Variants in SLC35A4 observed in about 807,000 individuals in gnomAD.
The protein encoded by SLC35A4 is solute carrier family 35 member A4.
In SLC35A4, 9 loss-of-function variants were observed where a neutral mutation model predicts 18.8. That is an observed-to-expected ratio of 0.48 (90% CI 0.29 to 0.83). The LOEUF (loss-of-function observed/expected upper bound fraction) is 0.83, where lower values mean the gene tolerates loss of function less well. SLC35A4 is among the 40% of genes least tolerant of loss of function. SLC35A4 has a pLI of 0.09. For synonymous variants in SLC35A4, 189 were observed against 191.9 expected (o/e 0.98, Z 0.13); for missense variants, 404 against 415.5 (o/e 0.97, Z 0.24).
In SLC35A4 at chr5:140,568,174, C is replaced by T. The variant is rs750964666; in HGVS notation, c.*30C>T. 21 of 1,613,344 alleles carry T rather than the reference C, an allele frequency of 1.3e-5. No homozygotes were observed. The highest frequency in any genetic ancestry group is 1.8e-5 in the Non-Finnish European group (21 of 1,179,968). On this transcript the variant is annotated 3_prime_UTR_variant, in exon 3 of 3. Coordinates refer to ENST00000323146, the MANE Select transcript of SLC35A4 (RefSeq NM_080670.4). ...TGACAACTTCCACCCTGATTCCGGA[C>T]CCTGTAGATTGGGCGCCACCACCAG...
Position 140,567,331 on chromosome 5 carries a change from G to A in SLC35A4, c.162G>A (p.Val54=). The A allele has an allele frequency of 6.2e-7, 1 of 1,614,176 alleles. No homozygotes were observed. The highest frequency in any genetic ancestry group is 8.5e-7 in the Non-Finnish European group (1 of 1,180,014). The change falls in exon 3 of 3, where the codon GTG becomes GTA. Residue 54 remains valine, a synonymous_variant. Transcript: ENST00000323146. ...GRVPFRPSSA[V]LLTELTKLLL... Reference sequence around the variant, plus strand: ...TGCCCTTCCGGCCCTCCTCAGCCGTGCTGCTGACTGAGCTGACCAAGCTAC... The same window carrying A: ...TGCCCTTCCGGCCCTCCTCAGCCGTACTGCTGACTGAGCTGACCAAGCTAC...
In SLC35A4 at chr5:140,567,733, C is replaced by A. The variant is rs767288056; in HGVS notation, c.564C>A (p.Gly188=). Residue 188 remains glycine (G), a synonymous_variant, in exon 3 of 3, where the codon GGC becomes GGA. Transcript: ENST00000323146. ...TGCCCCTGCATATCACTCCGCTAGG[C>A]CTGCTGCTCCTCATTCTGTACTGCC... The part of the protein sequence containing the change: ...SPMPLHITPL[G]LLLLILYCLI... 8 of 1,614,162 alleles carry A rather than the reference C, an allele frequency of 5.0e-6. No individual in the cohort carries two copies. The East Asian group carries it at 1.8e-4, about 36-fold the overall frequency.
Position 140,568,247 on chromosome 5 carries a change from A to G in SLC35A4, c.*103A>G. Reference sequence around the variant, plus strand: ...CCTCTCCCATCAGCAGCCCTGTAACAAGTGCCTTGTGAGAAAAGCTGGAGA... The same window carrying G: ...CCTCTCCCATCAGCAGCCCTGTAACGAGTGCCTTGTGAGAAAAGCTGGAGA... On this transcript the variant is annotated 3_prime_UTR_variant, in exon 3 of 3. Transcript: ENST00000323146. The G allele has an allele frequency of 6.4e-7, 1 of 1,568,084 alleles. No homozygotes were observed. The highest frequency in any genetic ancestry group is 8.7e-7 in the Non-Finnish European group (1 of 1,150,392).
rs902556228 is a variant in SLC35A4, at chr5:140,564,888, G to C, written c.-705+30G>C. 2 of 405,466 alleles carry C rather than the reference G, an allele frequency of 4.9e-6. No homozygotes were observed. Among genetic ancestry groups the C allele is most frequent in the East Asian group, 3.5e-5 (1 of 28,174 alleles). 25.1% of individuals were successfully genotyped at this position (405,466 alleles called of 1,614,324 possible). A position where few individuals can be genotyped will look rare whatever the true frequency, so the allele number is the denominator to read the frequency against. ...GTGGCCGTGGGGGTGATCTGCAGCC[G>C]GGCGTGGTCTTCACTCTCCTTGACC... On this transcript the variant is annotated intron_variant, in intron 1 of 2. Transcript: ENST00000323146. This position sits in a 1 kb window ranked among gnomAD's most constrained non-coding sequence, Gnocchi z 5.0.
Position 140,567,696 on chromosome 5 carries a change from C to T in SLC35A4, c.527C>T (p.Ala176Val). 1 of 1,614,090 alleles carries T rather than the reference C, an allele frequency of 6.2e-7. No individual in the cohort carries two copies. Among genetic ancestry groups the T allele is most frequent in the Non-Finnish European group, 8.5e-7 (1 of 1,180,030 alleles). ...CTTCCCAGTCCCCCTCCAGCAGCTG[C>T]TGCCAGCCCCATGCCCCTGCATATC... ...NTLPSPPPAA[A>V]ASPMPLHITP... The change falls in exon 3 of 3, where the codon GCT becomes GTT. Residue 176 changes from alanine to valine, a missense_variant. Transcript: ENST00000323146.
chr5:140,567,526 T>TA lies in SLC35A4; in HGVS notation c.359dup (p.Asn120LysfsTer240), dbSNP rs773691021. 1.2e-6 allele frequency: 2 copies of TA among 1,614,068 alleles called. No individual in the cohort carries two copies. Among genetic ancestry groups the TA allele is most frequent in the African/African-American group, 2.7e-5 (2 of 74,946 alleles). On this transcript the variant is annotated frameshift_variant, in exon 3 of 3. Transcript: ENST00000323146. LOFTEE classifies it high-confidence loss of function. ...ACCCCAGCACCTACCAGGTGCTGAG[T>TA]AATCTCAAGATTGGAAGCACAGCTG...
rs951300234 is a variant in SLC35A4 at position 140,567,341 on chromosome 5, G to C, written c.172G>C (p.Glu58Gln). 1 of 1,614,184 alleles carries C rather than the reference G, an allele frequency of 6.2e-7. No homozygotes were observed. Among genetic ancestry groups the C allele is most frequent in the Non-Finnish European group, 8.5e-7 (1 of 1,180,020 alleles). ...GCCCTCCTCAGCCGTGCTGCTGACT[G>C]AGCTGACCAAGCTACTGTTATGCGC... Reference protein sequence around the residue: ...FRPSSAVLLTELTKLLLCAFS... With the variant: ...FRPSSAVLLTQLTKLLLCAFS... Residue 58 changes from glutamate (E) to glutamine (Q), a missense_variant, in exon 3 of 3, where the codon GAG (glutamate) becomes CAG (glutamine). Coordinates refer to ENST00000323146, the MANE Select transcript of SLC35A4 (RefSeq NM_080670.4).
chr5:140,566,125 C>G (rs941244443), intron 2 of SLC35A4, among the ~76,000 whole-genome samples, 154 bp downstream of exon 2: 2 of 152,130 alleles, frequency 1.3e-5, no homozygotes, highest in Non-Finnish European at 2.9e-5. Flanking sequence ...GGCACATGAA[C>G]TAATATCTTA....
At position 140,567,655 on chromosome 5, in the gene SLC35A4, A is replaced by C; in HGVS notation, c.486A>C (p.Gln162His). The change falls in exon 3 of 3, where the codon CAA becomes CAC. Residue 162 changes from glutamine to histidine, a missense_variant. By Grantham distance (24) the Gln-to-His change is conservative. Coordinates refer to ENST00000323146, the MANE Select transcript of SLC35A4 (RefSeq NM_080670.4). ...CCTGCTATGCAGCAGGGGGCCTTCA[A>C]GTTCCCGGGAACACCCTTCCCAGTC... is the stretch of plus-strand genomic sequence containing the variant. ...AGACYAAGGL[Q>H]VPGNTLPSPP... is the part of the protein sequence containing the mutation. 6.2e-7 allele frequency: 1 copy of C among 1,614,070 alleles called. No individual in the cohort carries two copies. Among genetic ancestry groups the C allele is most frequent in the Non-Finnish European group, 8.5e-7 (1 of 1,180,024 alleles).
Position 140,568,255 on chromosome 5 carries a change from T to C in SLC35A4, c.*111T>C. ...ATCAGCAGCCCTGTAACAAGTGCCT[T>C]GTGAGAAAAGCTGGAGAAGTGAGGG... On this transcript the variant is annotated 3_prime_UTR_variant, in exon 3 of 3. Transcript: ENST00000323146. 2 of 1,552,392 alleles carry C rather than the reference T, an allele frequency of 1.3e-6. No individual in the cohort carries two copies. Among genetic ancestry groups the C allele is most frequent in the Admixed American group, 1.8e-5 (1 of 55,034 alleles).
Position 140,564,906 on chromosome 5 carries a change from C to T in SLC35A4, c.-705+48C>T, listed in dbSNP as rs1387965406. On this transcript the variant is annotated intron_variant, in intron 1 of 2. Coordinates refer to ENST00000323146, the MANE Select transcript of SLC35A4 (RefSeq NM_080670.4). This position sits in a 1 kb window ranked among gnomAD's most constrained non-coding sequence, Gnocchi z 5.0. ...TGCAGCCGGGCGTGGTCTTCACTCT[C>T]CTTGACCTTTTTAGTTCCGGGGAGA... 2.5e-6 allele frequency: 1 copy of T among 403,070 alleles called. No homozygotes were observed. Among genetic ancestry groups the T allele is most frequent in the Non-Finnish European group, 4.4e-6 (1 of 228,352 alleles). 25.0% of individuals were successfully genotyped at this position (403,070 alleles called of 1,614,324 possible).
chr5:140,568,315 G>T lies in SLC35A4; in HGVS notation c.*171G>T. On this transcript the variant is annotated 3_prime_UTR_variant, in exon 3 of 3. Coordinates refer to ENST00000323146, the MANE Select transcript of SLC35A4 (RefSeq NM_080670.4). The stretch of plus-strand genomic sequence containing the variant: ...TATTCTCTGGAGGTTGGTGGATGAA[G>T]GGGTACCCCTAGGAGATGTGAAGTG... 1 of 1,050,522 alleles carries T rather than the reference G, an allele frequency of 9.5e-7. No homozygotes were observed. Among genetic ancestry groups the T allele is most frequent in the African/African-American group, 1.6e-5 (1 of 62,598 alleles). 65.1% of individuals were successfully genotyped at this position (1,050,522 alleles called of 1,614,324 possible).
intron 2 of SLC35A4, among the ~76,000 whole-genome samples, 181 bp from the exon 3 acceptor site, chr5:140,566,384 G>A (rs1755189264): frequency 1.3e-5 from 2 of 152,166 alleles, no homozygotes; most frequent in African/African-American, 4.8e-5. Context: ...CTGAGATTGT[G>A]TGATCAGAAC....
At chr5:140,566,074 AG>A (rs1328862291) in intron 2 of SLC35A4, 103 bp downstream of exon 2, 1 of 396,964 alleles carries the variant, frequency 2.5e-6, no homozygotes, top group Admixed American at 4.4e-5. Context: ...GTGATTATTG[AG>A]GGCCTATTCT....
In SLC35A4 at chr5:140,568,039, C is replaced by T. The variant is rs1004272608; in HGVS notation, c.870C>T (p.Asn290=). Residue 290 remains asparagine, a synonymous_variant, in exon 3 of 3, where the codon AAC becomes AAT. Coordinates refer to ENST00000323146, the MANE Select transcript of SLC35A4 (RefSeq NM_080670.4). ...TGGTGTCCTGCTCGCTGGTGGTCAA[C>T]GCCGTGCTCTCAGCAGTCCTGCTAC... ...LFVVSCSLVV[N]AVLSAVLLRL... The T allele has an allele frequency of 1.5e-5, 24 of 1,613,862 alleles. No homozygotes were observed. The highest frequency in any genetic ancestry group is 8.8e-5 in the South Asian group (8 of 91,074).
At position 140,567,881 on chromosome 5, in the gene SLC35A4, G is replaced by T. The variant is rs535655831; in HGVS notation, c.712G>T (p.Gly238Cys). 1.9e-6 allele frequency: 3 copies of T among 1,614,222 alleles called. No homozygotes were observed. In the African/African-American group the frequency reaches 4.0e-5, roughly 22 times the overall value. Residue 238 changes from glycine to cysteine, a missense_variant, in exon 3 of 3, where the codon GGC (glycine) becomes TGC (cysteine). Gly to Cys is a radical substitution (Grantham distance 159). Transcript: ENST00000323146. ...GVLLNLGLHA[G>C]GGSGPGLLEG... is the part of the protein sequence containing the mutation. ...GCTTCTGAATCTAGGTCTGCATGCT[G>T]GCGGCGGCTCTGGCCCAGGCCTCCT... is the stretch of plus-strand genomic sequence containing the variant.
rs1480951036 is a variant in SLC35A4, at chr5:140,568,569, C to A, written c.*425C>A. The A allele has an allele frequency of 4.0e-6, 1 of 252,656 alleles. No individual in the cohort carries two copies. Among genetic ancestry groups the A allele is most frequent in the Non-Finnish European group, 8.4e-6 (1 of 119,376 alleles). 15.7% of individuals were successfully genotyped at this position (252,656 alleles called of 1,614,324 possible). A position where few individuals can be genotyped will look rare whatever the true frequency, so the allele number is the denominator to read the frequency against. On this transcript the variant is annotated 3_prime_UTR_variant, in exon 3 of 3. Coordinates refer to ENST00000323146, the MANE Select transcript of SLC35A4 (RefSeq NM_080670.4). ...GCAGAGCCACTGGAGCTGGCTAGTC[C>A]AGCCCAGCCATGGTGCATGACTCTT... is the stretch of plus-strand genomic sequence containing the variant.
In SLC35A4 at chr5:140,564,874, G is replaced by T. The variant is rs1755147893; in HGVS notation, c.-705+16G>T. ...GGATGACAAGGTGAGTGGCCGTGGG[G>T]GTGATCTGCAGCCGGGCGTGGTCTT... On this transcript the variant is annotated intron_variant, in intron 1 of 2. Coordinates refer to ENST00000323146, the MANE Select transcript of SLC35A4 (RefSeq NM_080670.4). The surrounding 1 kb of genome is among the most constrained non-coding windows in gnomAD (Gnocchi z 5.0). The T allele has an allele frequency of 2.5e-6, 1 of 406,334 alleles. No individual in the cohort carries two copies. Among genetic ancestry groups the T allele is most frequent in the Admixed American group, 4.3e-5 (1 of 23,344 alleles). The allele number at this position is 406,334 out of a possible 1,614,324, so 25.2% of individuals were successfully genotyped here. A position where few individuals can be genotyped will look rare whatever the true frequency, so the allele number is the denominator to read the frequency against.
In SLC35A4 at chr5:140,567,141, C is replaced by T. The variant is rs752885860; in HGVS notation, c.-29C>T. 9 of 1,614,118 alleles carry T rather than the reference C, an allele frequency of 5.6e-6. No individual in the cohort carries two copies. In the South Asian group the frequency reaches 8.8e-5, roughly 16 times the overall value. The stretch of plus-strand genomic sequence containing the variant: ...CCAAACGTGTTGCAATCCCTGCTGC[C>T]CCTTAGCCACCCAGGGTCTTGTGTG... On this transcript the variant is annotated 5_prime_UTR_variant, in exon 3 of 3. Transcript: ENST00000323146.
Sources: gnomAD v4.1 joint callset for allele counts (sites outside exome capture counted in the v4.1 genomes callset) on GRCh38, gnomAD v4.1.1 for gene constraint, Gnocchi (gnomAD v3.1) non-coding constraint, MANE v1.5 for transcripts, NCBI Gene and HGNC (gene_info 2026-07-23, HGNC 2026-07-21) for gene names.